Variants in PLEKHO1 observed in about 807,000 individuals in gnomAD.
PLEKHO1 encodes the protein pleckstrin homology domain-containing family O member 1.
PLEKHO1 carries 22 observed loss-of-function variants against 41.4 expected under a neutral mutation model. The ratio of observed to expected loss-of-function variants is 0.53; its 90% CI spans 0.38 to 0.76. The LOEUF is 0.76. PLEKHO1 is among the 30% of genes least tolerant of loss of function. PLEKHO1 has a pLI of 0.00. For synonymous variants in PLEKHO1, 225 were observed against 210.8 expected (o/e 1.07, Z -0.58); for missense variants, 488 against 518.3 (o/e 0.94, Z 0.57).
chr1:150,157,296 T>C, intron 4 of PLEKHO1, 89 bp from the exon 5 acceptor site: 1 of 965,132 alleles, frequency 1.0e-6, no homozygotes, highest in Non-Finnish European at 1.7e-6. Flanking sequence ...AAGCAGTGAA[T>C]GGAGTGGGCA....
intron 1 of PLEKHO1, 121 bp from the exon 2 acceptor site, chr1:150,150,791 C>T (rs146836012): frequency 1.1e-6 from 1 of 881,970 alleles, no homozygotes; most frequent in Non-Finnish European, 1.8e-6. Context: ...GGCGGCCCCC[C>T]GCCCCCCGGC....
intron 5 of PLEKHO1, among the ~76,000 whole-genome samples, chr1:150,158,239 C>T (rs1191709990): frequency 1.3e-5 from 2 of 152,094 alleles, no homozygotes; most frequent in African/African-American, 4.8e-5. Flanking sequence ...GCTGAGAGTC[C>T]ACAATACCAA....
chr1:150,155,863 C>T (rs956454692), intron 2 of PLEKHO1: 1 of 551,678 alleles, frequency 1.8e-6, no homozygotes, highest in Admixed American at 3.1e-5. Context: ...CAGAAACACA[C>T]CTTAACATTC....
chr1:150,151,169 G>A, intron 2 of PLEKHO1, 111 bp downstream of exon 2: 2 of 1,189,936 alleles, frequency 1.7e-6, no homozygotes, highest in Admixed American at 3.7e-5. Context: ...GGCAAGTTCA[G>A]TGGTCTCCTC....
chr1:150,158,786 A>C (rs782549582), intron 5 of PLEKHO1, 33 bp from the exon 6 acceptor site: 8 of 1,307,838 alleles, frequency 6.1e-6, no homozygotes, highest in Non-Finnish European at 7.6e-6. Flanking sequence ...TCCTGATGAC[A>C]GGTTCCCCAC....
At chr1:150,157,664 C>T (rs1375213936) in intron 5 of PLEKHO1, among the ~76,000 whole-genome samples, 178 bp downstream of exon 5, 4 of 152,196 alleles carry the variant, frequency 2.6e-5, no homozygotes, top group African/African-American at 7.2e-5. Context: ...TTTTATTCAG[C>T]GCCCATTAGG....
intron 2 of PLEKHO1, chr1:150,155,825 T>C (rs1660143684): frequency 9.8e-6 from 4 of 408,550 alleles, no homozygotes; most frequent in Non-Finnish European, 1.7e-5. Flanking sequence ...GCAGCCTGGC[T>C]AAGGAGAGTG....
intron 5 of PLEKHO1, among the ~76,000 whole-genome samples, chr1:150,158,413 G>A (rs1660265855): frequency 6.6e-6 from 1 of 152,106 alleles, no homozygotes; most frequent in Admixed American, 6.5e-5. Context: ...TTGCCAGGCA[G>A]GGGGGCTCAC....
intron 2 of PLEKHO1, chr1:150,152,709 A>AAAC (rs1660001041): frequency 2.7e-5 from 4 of 150,850 alleles, no homozygotes. Flanking sequence ...AAAAAAAAAA[A>AAAC]AAACAAGTGT....
rs1553818762 is a variant in PLEKHO1 at position 150,150,919 on chromosome 1, A to C, written c.38A>C (p.Gln13Pro). 1.2e-6 allele frequency: 2 copies of C among 1,613,896 alleles called. No homozygotes were observed. The highest frequency in any genetic ancestry group is 3.3e-5 in the Admixed American group (2 of 60,020). Reference protein sequence around the residue: ...KKNNSAKRGPQDGNQQPAPPE... With the variant: ...KKNNSAKRGPPDGNQQPAPPE... ...CATCTTGTCCTGGGGCAGGGACCTCAGGATGGAAACCAGCAGCCTGCACCG... is the reference window on the plus strand; with the variant it reads ...CATCTTGTCCTGGGGCAGGGACCTCCGGATGGAAACCAGCAGCCTGCACCG... Residue 13 changes from glutamine to proline, a missense_variant, in exon 2 of 6, where the codon CAG (glutamine) becomes CCG (proline). Around this residue, in one of 3 missense-constraint regions of PLEKHO1, gnomAD observed 92 missense variants for 82.3 expected, o/e 1.12. Transcript: ENST00000369124.
intron 5 of PLEKHO1, among the ~76,000 whole-genome samples, chr1:150,157,859 C>A (rs1435898700): frequency 6.6e-6 from 1 of 152,188 alleles, no homozygotes; most frequent in Non-Finnish European, 1.5e-5. Flanking sequence ...GTGCTAGTTT[C>A]TTTCATGCCT....
At position 150,156,033 on chromosome 1, in the gene PLEKHO1, T is replaced by C. The variant is rs781793020; in HGVS notation, c.178-33T>C. The stretch of plus-strand genomic sequence containing the variant: ...TCTGGGTGGAGGGGCTAAATAATTT[T>C]ATCCTCCTCACCTCACCCCAACCCT... On this transcript the variant is annotated intron_variant, in intron 2 of 5. Coordinates refer to ENST00000369124, the MANE Select transcript of PLEKHO1 (RefSeq NM_016274.6). 27 of 1,597,564 alleles carry C rather than the reference T, an allele frequency of 1.7e-5. No homozygotes were observed. In the Admixed American group the frequency reaches 2.2e-4, roughly 13 times the overall value.
rs140096240 is a variant in PLEKHO1 at position 150,159,213 on chromosome 1, G to A, written c.920G>A (p.Arg307Gln). ...CTCCCCAACCCGGGGCAGCTGTCCCGGATCCAGGACCTGGTAGCAAGGAAA... is the reference window on the plus strand; with the variant it reads ...CTCCCCAACCCGGGGCAGCTGTCCCAGATCCAGGACCTGGTAGCAAGGAAA... ...PALPNPGQLSRIQDLVARKLE... is the reference protein window; with the variant it reads ...PALPNPGQLSQIQDLVARKLE... The change falls in exon 6 of 6, where the codon CGG becomes CAG. Residue 307 changes from arginine to glutamine, a missense_variant. This residue lies in a region of PLEKHO1 where 337 missense variants were observed against 324.6 expected (regional missense o/e 1.04). Coordinates refer to ENST00000369124, the MANE Select transcript of PLEKHO1 (RefSeq NM_016274.6). The A allele has an allele frequency of 1.6e-5, 26 of 1,613,950 alleles. No homozygotes were observed. The highest frequency in any genetic ancestry group is 1.6e-4 in the African/African-American group (12 of 74,910).
Position 150,150,985 on chromosome 1 carries a change from G to A in PLEKHO1, c.104G>A (p.Gly35Glu). Reference protein sequence around the residue: ...VGWVRKFCGKGIFREIWKNRY... With the variant: ...VGWVRKFCGKEIFREIWKNRY... Reference sequence around the variant, plus strand: ...TGGGTCCGGAAATTCTGCGGGAAAGGGATTTTCAGGGAGATTTGGAAAAAC... The same window carrying A: ...TGGGTCCGGAAATTCTGCGGGAAAGAGATTTTCAGGGAGATTTGGAAAAAC... Residue 35 changes from glycine to glutamate, a missense_variant, in exon 2 of 6, where the codon GGG becomes GAG. Gly to Glu is a moderately conservative substitution (Grantham distance 98, BLOSUM62 -2). Transcript: ENST00000369124. 2.5e-6 allele frequency: 4 copies of A among 1,614,174 alleles called. No individual in the cohort carries two copies. The highest frequency in any genetic ancestry group is 3.4e-6 in the Non-Finnish European group (4 of 1,180,012).
chr1:150,159,402 A>G lies in PLEKHO1; in HGVS notation c.1109A>G (p.Lys370Arg). 3 of 1,614,170 alleles carry G rather than the reference A, an allele frequency of 1.9e-6. No homozygotes were observed. The highest frequency in any genetic ancestry group is 1.7e-6 in the Non-Finnish European group (2 of 1,180,032). ...GEASSNWSQA[K>R]RVLQEVRELR... ...GCATCATCGAATTGGAGCCAGGCAA[A>G]GAGGGTGCTGCAGGAGGTCAGGGAG... Residue 370 changes from lysine to arginine, a missense_variant, in exon 6 of 6, where the codon AAG (lysine) becomes AGG (arginine). By Grantham distance (26) the Lys-to-Arg change is conservative. Around this residue, in one of 3 missense-constraint regions of PLEKHO1, gnomAD observed 337 missense variants for 324.6 expected, o/e 1.04. Transcript: ENST00000369124.
intron 5 of PLEKHO1, 32 bp downstream of exon 5, chr1:150,157,518 G>A (rs782243617): frequency 6.9e-7 from 1 of 1,449,062 alleles, no homozygotes; most frequent in Admixed American, 1.7e-5. Flanking sequence ...ATTGCCAAAG[G>A]GCCAATTCTG....
At chr1:150,152,070 C>T (rs1291962056) in intron 2 of PLEKHO1, among the ~76,000 whole-genome samples, 1 of 152,196 alleles carries the variant, frequency 6.6e-6, no homozygotes, top group Admixed American at 6.5e-5. Flanking sequence ...TGAGTTCTAA[C>T]CTCTTCTGCT....
rs1257107323 is a variant in PLEKHO1, at chr1:150,150,183, G to A, written c.-75G>A. 73 of 666,332 alleles carry A rather than the reference G, an allele frequency of 1.1e-4. No individual in the cohort carries two copies. Among genetic ancestry groups the A allele is most frequent in the Non-Finnish European group, 1.3e-4 (71 of 532,980 alleles). 41.3% of individuals were successfully genotyped at this position (666,332 alleles called of 1,614,324 possible). A position where few individuals can be genotyped will look rare whatever the true frequency, so the allele number is the denominator to read the frequency against. On this transcript the variant is annotated 5_prime_UTR_variant, in exon 1 of 6. Transcript: ENST00000369124. Reference sequence around the variant, plus strand: ...TCCGACGCCCTCCCGCGGGGAAGGAGCCCCCGCGGTGCCGCCGAGGCCCCG... The same window carrying A: ...TCCGACGCCCTCCCGCGGGGAAGGAACCCCCGCGGTGCCGCCGAGGCCCCG...
At position 150,159,009 on chromosome 1, in the gene PLEKHO1, G is replaced by A; in HGVS notation, c.716G>A (p.Ser239Asn). ...CAGCCCTCCGCAGACCGGGCAAGCA[G>A]TCTCTCCCGACCTTGGGAAAAAACA... ...RIQPSADRAS[S>N]LSRPWEKTDK... Residue 239 changes from serine (S) to asparagine (N), a missense_variant, in exon 6 of 6, where the codon AGT becomes AAT. By Grantham distance (46) the Ser-to-Asn change is conservative. This residue lies in a region of PLEKHO1 where 337 missense variants were observed against 324.6 expected (regional missense o/e 1.04). Transcript: ENST00000369124. The A allele has an allele frequency of 6.2e-7, 1 of 1,614,166 alleles. No homozygotes were observed. Among genetic ancestry groups the A allele is most frequent in the Admixed American group, 1.7e-5 (1 of 60,028 alleles).
Sources: gnomAD v4.1 joint callset for allele counts (sites outside exome capture counted in the v4.1 genomes callset) on GRCh38, gnomAD v4.1.1 for gene constraint, gnomAD v4.1.1 regional missense constraint, MANE v1.5 for transcripts, NCBI Gene and HGNC (gene_info 2026-07-23, HGNC 2026-07-21) for gene names.